The following CNTNAP4 variants were observed in gnomAD, a reference collection of about 807,000 sequenced individuals.
The protein encoded by CNTNAP4 is contactin associated protein family member 4, also known as contactin-associated protein-like 4.
In CNTNAP4, 98 loss-of-function variants were observed where a neutral mutation model predicts 148.4. The ratio of observed to expected loss-of-function variants is 0.66; its 90% CI spans 0.56 to 0.78. CNTNAP4 has a LOEUF of 0.78. Ranked by LOEUF, CNTNAP4 falls within the 30% of genes least tolerant of loss-of-function variation. CNTNAP4 has a pLI of 0.00. For synonymous variants in CNTNAP4, 730 were observed against 565.1 expected (o/e 1.29, Z -4.14); for missense variants, 1,935 against 1,565.6 (o/e 1.24, Z -3.98).
At chr16:76,521,100 C>G in intron 15 of CNTNAP4, 40 bp from the exon 16 acceptor site, 1 of 1,506,394 alleles carries the variant, frequency 6.6e-7, no homozygotes, top group Non-Finnish European at 8.8e-7. Flanking sequence ...AATTTGTTTT[C>G]TTTCTGAATT....
chr16:76,422,033 T>C (rs1229790380), intron 3 of CNTNAP4, among the ~76,000 whole-genome samples: 1 of 152,162 alleles, frequency 6.6e-6, no homozygotes, highest in East Asian at 1.9e-4. Context: ...GAAAAAGAAA[T>C]TAGTGCTATT....
At chr16:76,383,792 T>A (rs902993428) in intron 3 of CNTNAP4, among the ~76,000 whole-genome samples, 2 of 152,120 alleles carry the variant, frequency 1.3e-5, no homozygotes, top group East Asian at 3.9e-4. Context: ...TTTAAAATAA[T>A]CGAGTTGTAA....
chr16:76,559,524 T>TA lies in CNTNAP4; in HGVS notation c.*849dup, dbSNP rs746117890. On this transcript the variant is annotated 3_prime_UTR_variant, in exon 24 of 24. Coordinates refer to ENST00000611870, the MANE Select transcript of CNTNAP4 (RefSeq NM_033401.5). ...GTTTTCAACTAAACTGTTGATATAT[T>TA]AAAAAAAATTCTTAACACAGCAAAA... is the stretch of plus-strand genomic sequence containing the variant. 1.3e-5 allele frequency among the ~76,000 whole-genome samples: 2 copies of TA among 152,056 alleles called. No homozygotes were observed. Among genetic ancestry groups the TA allele is most frequent in the African/African-American group, 2.4e-5 (1 of 41,394 alleles).
At chr16:76,533,255 A>G (rs763933058) in intron 17 of CNTNAP4, among the ~76,000 whole-genome samples, 1 of 152,198 alleles carries the variant, frequency 6.6e-6, no homozygotes, top group African/African-American at 2.4e-5. Context: ...TAAACACAGC[A>G]TGGTATCACT....
chr16:76,553,769 A>C, intron 22 of CNTNAP4, 67 bp from the exon 23 acceptor site: 1 of 978,718 alleles, frequency 1.0e-6, no homozygotes, highest in South Asian at 1.4e-5. Context: ...AACATTTATG[A>C]TGTTTTCAAA....
chr16:76,549,635 C>A (rs1293079443), intron 21 of CNTNAP4, among the ~76,000 whole-genome samples: 2 of 150,782 alleles, frequency 1.3e-5, no homozygotes, highest in Admixed American at 1.3e-4. Flanking sequence ...TCTCATAAAG[C>A]AAAAAAAAGA....
intron 17 of CNTNAP4, 63 bp downstream of exon 17, chr16:76,522,320 A>C: frequency 1.5e-6 from 2 of 1,312,822 alleles, no homozygotes; most frequent in Non-Finnish European, 1.1e-6. Flanking sequence ...GGCCCAAGAT[A>C]AAATAATACC....
intron 3 of CNTNAP4, among the ~76,000 whole-genome samples, chr16:76,414,523 G>GTTAT (rs2078910971): frequency 6.6e-6 from 1 of 151,098 alleles, no homozygotes; most frequent in African/African-American, 2.4e-5. Flanking sequence ...TAATATCAGG[G>GTTAT]TTATGCTGGC....
chr16:76,470,391 A>G (rs1441438555), intron 10 of CNTNAP4, among the ~76,000 whole-genome samples: 1 of 150,738 alleles, frequency 6.6e-6, no homozygotes, highest in East Asian at 1.9e-4. Context: ...CTGTAATCCC[A>G]GCACTTTGGG....
intron 2 of CNTNAP4, among the ~76,000 whole-genome samples, chr16:76,346,865 T>C (rs185620098): frequency 1.3e-5 from 2 of 152,262 alleles, no homozygotes; most frequent in East Asian, 3.9e-4. Context: ...AGCACTGCAT[T>C]ATTAAAGATT....
At chr16:76,306,242 C>G (rs1960467400) in intron 1 of CNTNAP4, among the ~76,000 whole-genome samples, 1 of 152,184 alleles carries the variant, frequency 6.6e-6, no homozygotes, top group African/African-American at 2.4e-5. Flanking sequence ...AAACTGCTTT[C>G]TACAGTGGCT....
chr16:76,535,071 A>G (rs2084157759), intron 17 of CNTNAP4, among the ~76,000 whole-genome samples: 1 of 152,214 alleles, frequency 6.6e-6, no homozygotes, highest in African/African-American at 2.4e-5. Context: ...AATGGATAAC[A>G]ACCAAAGGAC....
intron 2 of CNTNAP4, among the ~76,000 whole-genome samples, chr16:76,338,200 A>T (rs1964179076): frequency 6.6e-6 from 1 of 152,210 alleles, no homozygotes. Context: ...GGACAGGCAT[A>T]AGAAATTATA....
At chr16:76,287,499 T>G (rs1477191713) in intron 1 of CNTNAP4, 2 of 152,216 alleles carry the variant, frequency 1.3e-5, no homozygotes, top group African/African-American at 4.8e-5. Flanking sequence ...ATGAACCAGA[T>G]TAGCATGAAA....
At chr16:76,446,705 C>G (rs977069330) in intron 4 of CNTNAP4, among the ~76,000 whole-genome samples, 1 of 152,070 alleles carries the variant, frequency 6.6e-6, no homozygotes, top group African/African-American at 2.4e-5. Context: ...TAGTATTGCC[C>G]TTAAATACTA....
At position 76,332,840 on chromosome 16, in the gene CNTNAP4, G is replaced by A. The variant is rs75477220; in HGVS notation, c.196+16317G>A. ...CAGTTTGGGCCAAAGGTGAGTCTTAGATACCGTCTGATGTTCAAGCAGTTT... is the reference window on the plus strand; with the variant it reads ...CAGTTTGGGCCAAAGGTGAGTCTTAAATACCGTCTGATGTTCAAGCAGTTT... On this transcript the variant is annotated intron_variant, in intron 2 of 23. Coordinates refer to ENST00000611870, the MANE Select transcript of CNTNAP4 (RefSeq NM_033401.5). Among the ~76,000 whole-genome samples the A allele has an allele frequency of 7.2e-5, 11 of 152,234 alleles. No individual in the cohort carries two copies. In the East Asian group the frequency reaches 2.1e-3, roughly 30 times the overall value.
intron 14 of CNTNAP4, among the ~76,000 whole-genome samples, chr16:76,496,234 C>A (rs943277331): frequency 6.6e-6 from 1 of 151,836 alleles, no homozygotes; most frequent in Non-Finnish European, 1.5e-5. Context: ...CTTTTCTTAT[C>A]ACTACTTTCA....
chr16:76,391,078 T>C (rs1021216740), intron 3 of CNTNAP4, among the ~76,000 whole-genome samples: 10 of 152,286 alleles, frequency 6.6e-5, no homozygotes, highest in Admixed American at 4.6e-4. Context: ...CACCCTATTG[T>C]GCTATCAAAT....
chr16:76,392,212 G>A (rs968554505), intron 3 of CNTNAP4, among the ~76,000 whole-genome samples: 3 of 152,010 alleles, frequency 2.0e-5, no homozygotes, highest in Admixed American at 6.6e-5. Flanking sequence ...CAGGCTTGTC[G>A]TGAACTCCTG....
Sources: allele counts gnomAD v4.1 joint callset (sites outside exome capture counted in the v4.1 genomes callset), GRCh38; gene constraint gnomAD v4.1.1; transcripts MANE v1.5; gene names NCBI Gene and HGNC (gene_info 2026-07-23, HGNC 2026-07-21).